EEF2K: variants seen among roughly 807,000 people sequenced by gnomAD.
EEF2K encodes eukaryotic elongation factor 2 kinase.
A neutral mutation model predicts 93.8 loss-of-function variants in EEF2K; 70 were observed. The observed-to-expected ratio is 0.75, with a 90% confidence interval of 0.62 to 0.91. The LOEUF (loss-of-function observed/expected upper bound fraction) is 0.91, where lower values mean the gene tolerates loss of function less well. Among genes scored for constraint, EEF2K ranks in the 40% least tolerant of loss-of-function variants. EEF2K has a pLI of 0.00. For synonymous variants in EEF2K, 376 were observed against 380.8 expected, an observed-to-expected ratio of 0.99 and a Z score of 0.15; for missense variants, 935 against 972.9, an observed-to-expected ratio of 0.96 and a Z score of 0.52.
At chr16:22,277,718 T>C (rs1305656638) in intron 16 of EEF2K, among the ~76,000 whole-genome samples, 3 of 152,200 alleles carry the variant, frequency 2.0e-5, no homozygotes, top group Admixed American at 2.0e-4. Flanking sequence ...AGAGGTGATA[T>C]GTGAGCTGAG....
chr16:22,286,001 C>G lies in EEF2K; in HGVS notation c.*2005C>G, dbSNP rs898208196. The G allele has an allele frequency of 1.3e-4, 20 of 152,204 alleles. No homozygotes were observed. The highest frequency in any genetic ancestry group is 1.1e-3 in the Admixed American group (17 of 15,274). The allele number at this position is 152,204 out of a possible 1,614,324, so 9.4% of individuals were successfully genotyped here. ...GAGCCACTGAGCCCAGCCAAGACTT[C>G]AGTGTTGACTGCTTTGGAGGCACAA... On this transcript the variant is annotated 3_prime_UTR_variant, in exon 18 of 18. Coordinates refer to ENST00000263026, the MANE Select transcript of EEF2K (RefSeq NM_013302.5).
chr16:22,257,634 T>C lies in EEF2K; in HGVS notation c.902-9T>C, dbSNP rs1303635378. On this transcript the variant is annotated splice_polypyrimidine_tract_variant and intron_variant, in intron 8 of 17. Coordinates refer to ENST00000263026, the MANE Select transcript of EEF2K (RefSeq NM_013302.5). ...AGCAACACTCCAGACACCCCCGCTC[T>C]GTCCACAGGTGTCCGCGGGATGGCG... The C allele has an allele frequency of 5.6e-6, 9 of 1,612,178 alleles. No individual in the cohort carries two copies. The South Asian group carries it at 9.9e-5, about 18-fold the overall frequency.
chr16:22,248,972 ATTTT>A (rs201664759), intron 4 of EEF2K, among the ~76,000 whole-genome samples, 157 bp downstream of exon 4: 1 of 126,496 alleles, frequency 7.9e-6, no homozygotes. Context: ...TGTAGCCAGC[ATTTT>A]TTTTTTTTTT....
chr16:22,283,828 TG>T, intron 17 of EEF2K, 58 bp from the exon 18 acceptor site: 1 of 1,514,960 alleles, frequency 6.6e-7, no homozygotes, highest in Non-Finnish European at 9.0e-7. Context: ...TGGGGGACAC[TG>T]GGCTGGCAAA....
At chr16:22,278,389 G>A (rs1232753031) in intron 16 of EEF2K, among the ~76,000 whole-genome samples, 2 of 152,100 alleles carry the variant, frequency 1.3e-5, no homozygotes, top group Non-Finnish European at 2.9e-5. Flanking sequence ...GTTTTGGAGG[G>A]GACACACGTT....
chr16:22,285,140 G>A lies in EEF2K; in HGVS notation c.*1144G>A, dbSNP rs1598213667. 1 of 152,596 alleles carries A rather than the reference G, an allele frequency of 6.6e-6. No homozygotes were observed. The highest frequency in any genetic ancestry group is 1.5e-5 in the Non-Finnish European group (1 of 68,056). 9.5% of individuals were successfully genotyped at this position (152,596 alleles called of 1,614,324 possible). A position where few individuals can be genotyped will look rare whatever the true frequency, so the allele number is the denominator to read the frequency against. On this transcript the variant is annotated 3_prime_UTR_variant, in exon 18 of 18. Coordinates refer to ENST00000263026, the MANE Select transcript of EEF2K (RefSeq NM_013302.5). ...ACACGTAAGGACAGCGGCTTGGAAT[G>A]TGAGAGCCTTTTCTCCAAGCAGACC...
intron 1 of EEF2K, among the ~76,000 whole-genome samples, chr16:22,224,910 AC>A (rs1351369470): frequency 6.6e-6 from 1 of 151,898 alleles, no homozygotes; most frequent in Non-Finnish European, 1.5e-5. Context: ...CCAAGATCGC[AC>A]CATTGCACTC....
At chr16:22,257,206 C>T (rs1479354803) in intron 7 of EEF2K, 47 bp from the exon 8 acceptor site, 2 of 1,613,744 alleles carry the variant, frequency 1.2e-6, no homozygotes, top group East Asian at 2.2e-5. Flanking sequence ...CCTGCACAGA[C>T]CTCAGCCTGT....
intron 3 of EEF2K, among the ~76,000 whole-genome samples, chr16:22,247,037 C>CAAAAAAAAAAAAAAA (rs57073413): frequency 1.5e-4 from 2 of 13,702 alleles, no homozygotes; most frequent in Non-Finnish European, 3.3e-4. Context: ...GACTCCATCT[C>CAAAAAAAAAAAAAAA]AAAAAAAAAA....
At chr16:22,217,842 GT>G (rs1456481797) in intron 1 of EEF2K, among the ~76,000 whole-genome samples, 5 of 152,202 alleles carry the variant, frequency 3.3e-5, no homozygotes, top group African/African-American at 4.8e-5. Flanking sequence ...AAAAGGCGGG[GT>G]TTATTGTATC....
chr16:22,277,684 A>G (rs2047651074), intron 16 of EEF2K, among the ~76,000 whole-genome samples: 1 of 152,180 alleles, frequency 6.6e-6, no homozygotes, highest in African/African-American at 2.4e-5. Flanking sequence ...TGTAAGAAAC[A>G]GTGTTTGGGG....
intron 15 of EEF2K, among the ~76,000 whole-genome samples, chr16:22,270,433 G>C (rs2047567480): frequency 6.6e-6 from 1 of 151,792 alleles, no homozygotes; most frequent in Admixed American, 6.6e-5. Flanking sequence ...CCTAATTTTT[G>C]TATGTTTAGT....
rs571445171 is a variant in EEF2K, at chr16:22,245,884, G to A, written c.347+1154G>A. Among the ~76,000 whole-genome samples, 16 of 152,260 alleles carry A rather than the reference G, an allele frequency of 1.1e-4. 1 individual carries two copies. Among genetic ancestry groups the A allele is most frequent in the African/African-American group, 3.8e-4 (16 of 41,560 alleles). On this transcript the variant is annotated intron_variant, in intron 3 of 17. Coordinates refer to ENST00000263026, the MANE Select transcript of EEF2K (RefSeq NM_013302.5). ...CTCCCCACCCACAAGCAAGTAATCA[G>A]CTCTGCAGTGGACACCAGCAGATGT...
chr16:22,224,404 G>C (rs1295985960), intron 1 of EEF2K, among the ~76,000 whole-genome samples: 1 of 152,108 alleles, frequency 6.6e-6, no homozygotes, highest in Non-Finnish European at 1.5e-5. Context: ...GCCAAGGCAG[G>C]AGGATCACTT....
rs140269724 is a variant in EEF2K at position 22,224,675 on chromosome 16, G to A, written c.-76-979G>A. 5.7e-4 allele frequency among the ~76,000 whole-genome samples: 85 copies of A among 148,272 alleles called. No individual in the cohort carries two copies. The East Asian group carries it at 0.011, about 19-fold the overall frequency. Reference sequence around the variant, plus strand: ...AAAGAAAAGAAAAAGAAAAAAGTCCGGATGTGGTGGCTCACGCCTGTAATC... The same window carrying A: ...AAAGAAAAGAAAAAGAAAAAAGTCCAGATGTGGTGGCTCACGCCTGTAATC... On this transcript the variant is annotated intron_variant, in intron 1 of 17. Transcript: ENST00000263026.
rs1012364485 is a variant in EEF2K at position 22,273,866 on chromosome 16, G to A, written c.1889+116G>A. 1.4e-5 allele frequency: 20 copies of A among 1,421,198 alleles called. No individual in the cohort carries two copies. The Admixed American group carries it at 2.9e-4, about 21-fold the overall frequency. 88.0% of individuals were successfully genotyped at this position (1,421,198 alleles called of 1,614,324 possible). A position where few individuals can be genotyped will look rare whatever the true frequency, so the allele number is the denominator to read the frequency against. ...TCTTGGCTGCCCCATGACCAGTCCA[G>A]CAACCATGGGCAACTTATTTTACCT... is the stretch of plus-strand genomic sequence containing the variant. On this transcript the variant is annotated intron_variant, in intron 16 of 17. Coordinates refer to ENST00000263026, the MANE Select transcript of EEF2K (RefSeq NM_013302.5).
At chr16:22,223,933 G>A (rs144371572) in intron 1 of EEF2K, among the ~76,000 whole-genome samples, 14 of 152,228 alleles carry the variant, frequency 9.2e-5, no homozygotes, top group East Asian at 1.9e-4. Context: ...TAGGCCAGGC[G>A]TGGTGGCTCA....
chr16:22,237,507 G>A lies in EEF2K; in HGVS notation c.247-7123G>A, dbSNP rs568895203. ...CAAAAAATTAGCCAGGCGTGGTGGC[G>A]TGTGCCCATAGGCCCAGCTACCCGG... On this transcript the variant is annotated intron_variant, in intron 2 of 17. Transcript: ENST00000263026. Among the ~76,000 whole-genome samples the A allele has an allele frequency of 2.4e-4, 37 of 151,890 alleles. 1 individual carries two copies. The South Asian group carries it at 6.4e-3, about 26-fold the overall frequency.
intron 2 of EEF2K, among the ~76,000 whole-genome samples, chr16:22,243,288 GTCAC>G (rs1452865591): frequency 7.4e-6 from 1 of 136,044 alleles, no homozygotes; most frequent in Non-Finnish European, 1.5e-5. Context: ...GTCTCCCTCT[GTCAC>G]TCAGGCTGGA....
Sources: gnomAD v4.1 joint callset for allele counts (sites outside exome capture counted in the v4.1 genomes callset) on GRCh38, gnomAD v4.1.1 for gene constraint, MANE v1.5 for transcripts, NCBI Gene and HGNC (gene_info 2026-07-23, HGNC 2026-07-21) for gene names.